The following SLC26A7 variants were observed in gnomAD, a reference collection of about 807,000 sequenced individuals.
SLC26A7 encodes the protein solute carrier family 26 member 7.
Under a neutral mutation model 82.5 loss-of-function variants are expected in SLC26A7, and 59 were observed. The observed-to-expected ratio is 0.72, with a 90% CI of 0.58 to 0.89. SLC26A7 has a LOEUF of 0.89. Ranked by LOEUF, SLC26A7 falls within the 40% of genes least tolerant of loss-of-function variation. The pLI is 0.00. For missense variants in SLC26A7, 820 were observed against 793.0 expected (o/e 1.03, Z -0.41); for synonymous variants, 271 against 274.3 (o/e 0.99, Z 0.12).
At chr8:91,245,453 A>G (rs527691824), upstream of SLC26A7, among the ~76,000 whole-genome samples, 4 of 152,288 alleles carry the variant, frequency 2.6e-5, no homozygotes, top group African/African-American at 9.6e-5. Context: ...ACGTATCCCC[A>G]TGCCAGCTAT....
intron 11 of SLC26A7, among the ~76,000 whole-genome samples, chr8:91,358,658 C>T (rs1306132936): frequency 6.6e-6 from 1 of 152,082 alleles, no homozygotes; most frequent in Non-Finnish European, 1.5e-5. Flanking sequence ...CGGCACTACT[C>T]ACAATAGCAA....
At chr8:91,234,791 C>A (rs866136656) in intron 2 of SLC26A7, among the ~76,000 whole-genome samples, 52 of 121,514 alleles carry the variant, frequency 4.3e-4, no homozygotes, top group South Asian at 1.3e-3. Flanking sequence ...TTCCCTCCCT[C>A]CCTACCTACC....
chr8:91,228,268 G>A (rs1387910856), intron 2 of SLC26A7, among the ~76,000 whole-genome samples: 3 of 152,228 alleles, frequency 2.0e-5, no homozygotes, highest in African/African-American at 7.2e-5. Context: ...CGACAGCACG[G>A]TAGTAAACAT....
At chr8:91,381,221 A>G (rs1467284388) in intron 15 of SLC26A7, among the ~76,000 whole-genome samples, 1 of 152,168 alleles carries the variant, frequency 6.6e-6, no homozygotes, top group East Asian at 1.9e-4. Flanking sequence ...AAATAAGCAA[A>G]ACACCCATTA....
chr8:91,295,658 G>T lies in SLC26A7; in HGVS notation c.432G>T (p.Arg144Ser). 6.2e-7 allele frequency: 1 copy of T among 1,614,080 alleles called. No individual in the cohort carries two copies. The highest frequency in any genetic ancestry group is 1.1e-5 in the South Asian group (1 of 91,066). The change falls in exon 4 of 19, where the codon AGG becomes AGT. Residue 144 changes from arginine to serine, a missense_variant. Physicochemically the swap from Arg to Ser is moderately radical, Grantham distance 110. Coordinates refer to ENST00000276609, the MANE Select transcript of SLC26A7 (RefSeq NM_052832.4). ...GCTTATCCGACTTTGAAATGCAAAG[G>T]ATCCACGTTGCTGCAGCAGTTTCCT... ...VLGLSDFEMQ[R>S]IHVAAAVSFL...
intron 14 of SLC26A7, among the ~76,000 whole-genome samples, chr8:91,368,514 G>T (rs1164149068): frequency 6.6e-6 from 1 of 151,804 alleles, no homozygotes; most frequent in Admixed American, 6.6e-5. Context: ...CACCTCCAGG[G>T]TTCACGCCAT....
At chr8:91,318,442 T>C in intron 5 of SLC26A7, 62 bp downstream of exon 5, 1 of 1,410,290 alleles carries the variant, frequency 7.1e-7, no homozygotes, top group East Asian at 2.5e-5. Context: ...AAAGTAGAAT[T>C]TGATTAATTA....
intron 15 of SLC26A7, among the ~76,000 whole-genome samples, chr8:91,374,309 T>C (rs1814447735): frequency 6.6e-6 from 1 of 151,942 alleles, no homozygotes; most frequent in South Asian, 2.1e-4. Flanking sequence ...TTGGGTATGA[T>C]GTTAGGTTGT....
intron 5 of SLC26A7, among the ~76,000 whole-genome samples, chr8:91,328,474 A>G (rs1404972837): frequency 6.6e-6 from 1 of 152,120 alleles, no homozygotes; most frequent in African/African-American, 2.4e-5. Flanking sequence ...ATAACTGCAA[A>G]TCCCCCTAAT....
At chr8:91,323,149 A>G (rs1427656521) in intron 5 of SLC26A7, among the ~76,000 whole-genome samples, 4 of 152,180 alleles carry the variant, frequency 2.6e-5, no homozygotes, top group Non-Finnish European at 5.9e-5. Context: ...CTCTGCAGAT[A>G]TTGTGACATC....
At chr8:91,314,921 C>T (rs1046387197) in intron 4 of SLC26A7, among the ~76,000 whole-genome samples, 3 of 152,040 alleles carry the variant, frequency 2.0e-5, no homozygotes, top group African/African-American at 7.2e-5. Context: ...TGAACTTCTT[C>T]TGGACTCTTT....
intron 5 of SLC26A7, among the ~76,000 whole-genome samples, chr8:91,332,704 A>G (rs954128300): frequency 6.6e-6 from 1 of 150,816 alleles, no homozygotes; most frequent in Admixed American, 6.6e-5. Flanking sequence ...CTAATTTTTT[A>G]AATTTTTCAT....
At chr8:91,299,346 G>A (rs1407714956) in intron 4 of SLC26A7, among the ~76,000 whole-genome samples, 1 of 151,872 alleles carries the variant, frequency 6.6e-6, no homozygotes, top group Non-Finnish European at 1.5e-5. Flanking sequence ...ATTATTTTGA[G>A]TCATTGTTAG....
intron 2 of SLC26A7, among the ~76,000 whole-genome samples, chr8:91,267,587 T>C (rs979113092): frequency 6.6e-6 from 1 of 151,940 alleles, no homozygotes; most frequent in Admixed American, 6.6e-5. Flanking sequence ...TTTGTATTTC[T>C]GTGGTATCAA....
At chr8:91,276,540 G>T (rs1811412085) in intron 2 of SLC26A7, among the ~76,000 whole-genome samples, 1 of 152,156 alleles carries the variant, frequency 6.6e-6, no homozygotes, top group Non-Finnish European at 1.5e-5. Context: ...TCCAAATCAA[G>T]CCCCCTTGTA....
At chr8:91,263,126 T>C (rs1174215128) in intron 2 of SLC26A7, among the ~76,000 whole-genome samples, 3 of 152,050 alleles carry the variant, frequency 2.0e-5, no homozygotes, top group Non-Finnish European at 4.4e-5. Flanking sequence ...AAATTGGCTC[T>C]GAAAGGTAAT....
chr8:91,244,002 G>C (rs1218782332), intron 2 of SLC26A7, among the ~76,000 whole-genome samples: 2 of 152,186 alleles, frequency 1.3e-5, no homozygotes, highest in Non-Finnish European at 2.9e-5. Flanking sequence ...AGATACAAAA[G>C]AGAGACAGAA....
chr8:91,295,826 T>A (rs1385152443), intron 4 of SLC26A7, 123 bp downstream of exon 4: 7 of 864,474 alleles, frequency 8.1e-6, no homozygotes, highest in Non-Finnish European at 1.0e-5. Flanking sequence ...GCCTGATGTG[T>A]TTTATCATTA....
At chr8:91,327,336 G>A (rs576408220) in intron 5 of SLC26A7, among the ~76,000 whole-genome samples, 3 of 152,256 alleles carry the variant, frequency 2.0e-5, no homozygotes, top group South Asian at 4.1e-4. Flanking sequence ...TGTGTTGTGA[G>A]ATGAGGCTTC....
Sources: gnomAD v4.1 joint callset for allele counts (sites outside exome capture counted in the v4.1 genomes callset) on GRCh38, gnomAD v4.1.1 for gene constraint, MANE v1.5 for transcripts, NCBI Gene and HGNC (gene_info 2026-07-23, HGNC 2026-07-21) for gene names.